The following CNOT6L variants were observed in gnomAD, a reference collection of about 807,000 sequenced individuals.
CNOT6L encodes the protein CCR4-NOT transcription complex subunit 6-like.
CNOT6L carries 7 observed loss-of-function variants against 64.0 expected under a neutral mutation model. The observed-to-expected ratio is 0.11, with a 90% CI of 0.06 to 0.21. CNOT6L has a LOEUF of 0.21. Among genes scored for constraint, CNOT6L ranks in the 10% least tolerant of loss-of-function variants. The pLI is 1.00. For missense variants in CNOT6L, 245 were observed against 669.0 expected (o/e 0.37, Z 6.99); for synonymous variants, 193 against 243.4 (o/e 0.79, Z 1.93).
rs1230458712 is a variant in CNOT6L at position 77,789,141 on chromosome 4, G to A, written c.6-12749C>T. Among the ~76,000 whole-genome samples, 3 of 152,280 alleles carry A rather than the reference G, an allele frequency of 2.0e-5. No homozygotes were observed. The East Asian group carries it at 5.8e-4, about 29-fold the overall frequency. ...AAACAGAATAAGGTAAACACAGAAT[G>A]ATTCAATGCAGAGCTGTCTCCCAAA... On this transcript the variant is annotated intron_variant, in intron 1 of 11. Transcript: ENST00000504123.
chr4:77,813,448 G>C (rs1253405653), intron 1 of CNOT6L, among the ~76,000 whole-genome samples: 1 of 152,098 alleles, frequency 6.6e-6, no homozygotes, highest in Admixed American at 6.6e-5. Flanking sequence ...AAACGTTTGT[G>C]CCTCAAATGA....
chr4:77,722,526 G>A (rs1438349492), intron 11 of CNOT6L, among the ~76,000 whole-genome samples: 1 of 152,142 alleles, frequency 6.6e-6, no homozygotes, highest in African/African-American at 2.4e-5. Context: ...ACACGCCACT[G>A]TACTCCAGCC....
chr4:77,799,418 G>A (rs1425821597), intron 1 of CNOT6L, among the ~76,000 whole-genome samples: 2 of 152,034 alleles, frequency 1.3e-5, no homozygotes, highest in Non-Finnish European at 2.9e-5. Context: ...AAAGTAATAT[G>A]TTCAGGATGG....
At position 77,752,704 on chromosome 4, in the gene CNOT6L, T is replaced by C. The variant is rs537934008; in HGVS notation, c.490+4158A>G. On this transcript the variant is annotated intron_variant, in intron 5 of 11. Transcript: ENST00000504123. ...ATAATACAAACTAAAGCTTGTGAGA[T>C]ACAGCTAAAAGCCACTTTAGAGAAA... 3.3e-5 allele frequency among the ~76,000 whole-genome samples: 5 copies of C among 151,896 alleles called. No homozygotes were observed. The South Asian group carries it at 1.0e-3, about 31-fold the overall frequency.
intron 4 of CNOT6L, among the ~76,000 whole-genome samples, chr4:77,762,092 T>C (rs1171886723): frequency 1.3e-5 from 2 of 152,172 alleles, no homozygotes; most frequent in African/African-American, 4.8e-5. Context: ...TCTGTGTAAA[T>C]GAAGAGCTAT....
intron 4 of CNOT6L, among the ~76,000 whole-genome samples, chr4:77,761,782 C>G (rs966689429): frequency 6.6e-6 from 1 of 151,710 alleles, no homozygotes. Flanking sequence ...TGTGATAAAG[C>G]AAGAAAAAGG....
At chr4:77,807,276 C>CAAAAAAAAAAAAAAA (rs58452605) in intron 1 of CNOT6L, among the ~76,000 whole-genome samples, 15 of 108,190 alleles carry the variant, frequency 1.4e-4, no homozygotes, top group African/African-American at 6.2e-4. Context: ...GACTCCATCT[C>CAAAAAAAAAAAAAAA]AAAAAAAAAA....
At chr4:77,733,561 C>T (rs767302567) in intron 8 of CNOT6L, among the ~76,000 whole-genome samples, 18 of 151,960 alleles carry the variant, frequency 1.2e-4, no homozygotes, top group Non-Finnish European at 2.4e-4. Flanking sequence ...CTATGGTATA[C>T]TTACAGGAAC....
At chr4:77,748,523 T>A (rs1397703870) in intron 5 of CNOT6L, 139 bp from the exon 6 acceptor site, 7 of 642,336 alleles carry the variant, frequency 1.1e-5, no homozygotes, top group Non-Finnish European at 1.9e-5. Flanking sequence ...TGAAATTTAA[T>A]GAAGATTAAG....
intron 1 of CNOT6L, among the ~76,000 whole-genome samples, chr4:77,816,546 CAAT>C: frequency 6.6e-6 from 1 of 152,256 alleles, no homozygotes; most frequent in East Asian, 1.9e-4. Flanking sequence ...TCAAGCCCCT[CAAT>C]GATGAGAGCT....
intron 1 of CNOT6L, among the ~76,000 whole-genome samples, chr4:77,806,173 C>T (rs1410944407): frequency 1.3e-5 from 2 of 152,192 alleles, no homozygotes; most frequent in African/African-American, 4.8e-5. Context: ...CGCCTATAAT[C>T]CCAGCACTTT....
chr4:77,725,991 C>T, intron 11 of CNOT6L, 176 bp downstream of exon 11: 3 of 604,124 alleles, frequency 5.0e-6, no homozygotes, highest in Middle Eastern at 4.5e-4. Context: ...TTTAAGACAA[C>T]AATAGCCACA....
intron 10 of CNOT6L, 71 bp from the exon 11 acceptor site, chr4:77,726,440 G>T: frequency 8.3e-7 from 1 of 1,201,822 alleles, no homozygotes; most frequent in Non-Finnish European, 1.2e-6. Context: ...GCCAAGACTT[G>T]TTACCAGGTT....
At chr4:77,772,238 C>CT (rs1460515178) in intron 4 of CNOT6L, among the ~76,000 whole-genome samples, 2 of 151,888 alleles carry the variant, frequency 1.3e-5, no homozygotes, top group African/African-American at 2.4e-5. Context: ...AAAGTAATCC[C>CT]TTTTTTTTCT....
At chr4:77,776,493 C>A in intron 1 of CNOT6L, 101 bp from the exon 2 acceptor site, 1 of 768,638 alleles carries the variant, frequency 1.3e-6, no homozygotes, top group South Asian at 2.1e-5. Context: ...CATTACCAGT[C>A]TAGTAAGTCA....
At chr4:77,768,479 ATATATATAT>A (rs1560412378) in intron 4 of CNOT6L, among the ~76,000 whole-genome samples, 9 of 3,782 alleles carry the variant, frequency 2.4e-3, no homozygotes, top group Non-Finnish European at 5.5e-3. Context: ...AAATAAATAT[ATATATATAT>A]ATATATATAT....
chr4:77,814,588 G>A (rs997475371), intron 1 of CNOT6L, among the ~76,000 whole-genome samples: 2 of 152,022 alleles, frequency 1.3e-5, no homozygotes, highest in Admixed American at 6.5e-5. Context: ...CTTTAGAACT[G>A]GGTACAATAA....
At chr4:77,809,285 T>C (rs1732630806) in intron 1 of CNOT6L, among the ~76,000 whole-genome samples, 1 of 151,980 alleles carries the variant, frequency 6.6e-6, no homozygotes, top group Admixed American at 6.6e-5. Flanking sequence ...AGGAGGGGAG[T>C]GGCTTTTCAC....
chr4:77,742,926 A>G (rs867922804), intron 7 of CNOT6L, among the ~76,000 whole-genome samples: 3 of 152,300 alleles, frequency 2.0e-5, no homozygotes, highest in Non-Finnish European at 4.4e-5. Flanking sequence ...AGATGTTTCT[A>G]ACAGCATGAG....
Sources: gnomAD v4.1 joint callset for allele counts (sites outside exome capture counted in the v4.1 genomes callset) on GRCh38, gnomAD v4.1.1 for gene constraint, MANE v1.5 for transcripts, NCBI Gene and HGNC (gene_info 2026-07-23, HGNC 2026-07-21) for gene names.